The following SKOR2 variants were observed in gnomAD, a reference collection of about 807,000 sequenced individuals.
SKOR2 encodes LBX1 corepressor 1-like protein.
Under a neutral mutation model 69.1 loss-of-function variants are expected in SKOR2, and 47 were observed. That is an observed-to-expected ratio of 0.68 (90% CI 0.54 to 0.87). SKOR2 has a LOEUF of 0.87. SKOR2 is among the 40% of genes least tolerant of loss of function. The pLI is 0.00. For synonymous variants in SKOR2, 717 were observed against 672.6 expected (o/e 1.07, Z -1.02); for missense variants, 1,404 against 1,472.2 (o/e 0.95, Z 0.76).
chr18:47,208,426 T>C (rs1156330430), intron 8 of SKOR2, among the ~76,000 whole-genome samples: 3 of 152,112 alleles, frequency 2.0e-5, no homozygotes, highest in Non-Finnish European at 4.4e-5. Flanking sequence ...GGCCAATGAG[T>C]TTCTGCATGA....
rs529806937 is a variant in SKOR2, at chr18:47,216,226, A to T, written c.2985+3717T>A. Among the ~76,000 whole-genome samples, 170 of 152,328 alleles carry T rather than the reference A, an allele frequency of 1.1e-3. 1 individual carries two copies. The highest frequency in any genetic ancestry group is 3.8e-3 in the African/African-American group (160 of 41,580). On this transcript the variant is annotated intron_variant, in intron 7 of 8. Transcript: ENST00000425639. ...TACATTTTTATAAACATGCTAAATTAAAAAACTTTTGTATTGGTTCATAGG... is the reference window on the plus strand; with the variant it reads ...TACATTTTTATAAACATGCTAAATTTAAAAACTTTTGTATTGGTTCATAGG...
chr18:47,227,629 C>T (rs557005562), intron 6 of SKOR2, among the ~76,000 whole-genome samples: 1 of 152,274 alleles, frequency 6.6e-6, no homozygotes, highest in South Asian at 2.1e-4. Flanking sequence ...CTGTGCCTGG[C>T]CAGAAGCCAA....
chr18:47,246,430 G>A (rs2144514082), intron 2 of SKOR2, 141 bp downstream of exon 2: 9 of 1,103,930 alleles, frequency 8.2e-6, no homozygotes, highest in South Asian at 2.8e-5. Context: ...CAGGAAAGAA[G>A]CCCTCCTAAA....
intron 8 of SKOR2, among the ~76,000 whole-genome samples, chr18:47,208,122 T>C (rs2064118302): frequency 6.6e-6 from 1 of 152,192 alleles, no homozygotes; most frequent in Admixed American, 6.5e-5. Flanking sequence ...TTAAATGATG[T>C]TACTCAAGAT....
At chr18:47,209,118 G>A (rs986368781) in intron 8 of SKOR2, among the ~76,000 whole-genome samples, 2 of 151,766 alleles carry the variant, frequency 1.3e-5, no homozygotes, top group African/African-American at 2.4e-5. Context: ...TTATTTTGAC[G>A]CAACGTGGAA....
At chr18:47,220,082 ATTATTGACAG>A in intron 6 of SKOR2, 72 bp from the exon 7 acceptor site, 1 of 1,333,526 alleles carries the variant, frequency 7.5e-7, no homozygotes, top group Non-Finnish European at 1.0e-6. Context: ...TAGTAAAAAC[ATTATTGACAG>A]TCCCATGGAC....
chr18:47,234,864 G>GGAAAAAAAAA (rs1555658842), intron 4 of SKOR2, among the ~76,000 whole-genome samples: 7 of 109,084 alleles, frequency 6.4e-5, no homozygotes, highest in South Asian at 3.6e-4. Flanking sequence ...CCATCTCAGG[G>GGAAAAAAAAA]AAAAAAAAAA....
intron 8 of SKOR2, among the ~76,000 whole-genome samples, chr18:47,209,995 C>T (rs750180406): frequency 1.4e-4 from 22 of 151,974 alleles, no homozygotes; most frequent in Non-Finnish European, 2.6e-4. Flanking sequence ...GAGGATGGCT[C>T]GAGCCAGGGC....
At chr18:47,228,115 C>T (rs1198742866) in intron 6 of SKOR2, among the ~76,000 whole-genome samples, 1 of 152,182 alleles carries the variant, frequency 6.6e-6, no homozygotes, top group Non-Finnish European at 1.5e-5. Context: ...AAATCTGTCC[C>T]CTAGCCTCAC....
chr18:47,215,476 C>T (rs1469183745), intron 7 of SKOR2, among the ~76,000 whole-genome samples: 1 of 152,126 alleles, frequency 6.6e-6, no homozygotes, highest in Non-Finnish European at 1.5e-5. Context: ...AAAAGACCAT[C>T]TTACTGAAGA....
At chr18:47,240,422 T>C (rs1484845702) in intron 4 of SKOR2, among the ~76,000 whole-genome samples, 1 of 152,228 alleles carries the variant, frequency 6.6e-6, no homozygotes, top group Admixed American at 6.5e-5. Flanking sequence ...GGTAATATTT[T>C]GATGAAACTA....
chr18:47,220,106 C>T, intron 6 of SKOR2, 96 bp from the exon 7 acceptor site: 7 of 979,494 alleles, frequency 7.1e-6, no homozygotes, highest in South Asian at 3.4e-5. Flanking sequence ...CATGGACAGC[C>T]CCCCTACTTT....
At chr18:47,211,671 A>T (rs1568082439) in intron 8 of SKOR2, among the ~76,000 whole-genome samples, 2 of 152,136 alleles carry the variant, frequency 1.3e-5, no homozygotes, top group Non-Finnish European at 2.9e-5. Context: ...TCATATTACC[A>T]CCTGCAGTAA....
In SKOR2 at chr18:47,247,078, G is replaced by GGGC. The variant is rs753158744; in HGVS notation, c.2103_2105dup (p.Pro706dup). On this transcript the variant is annotated inframe_insertion, in exon 2 of 9. Transcript: ENST00000425639. The surrounding 1 kb of genome is among the most constrained non-coding windows in gnomAD (Gnocchi z 6.6). ...GGTGCTGGGCCAGAGGGGGCGGCGG[G>GGGC]GGCGGCGGCGGCGGCGGCGGCGGGG... 7.0e-5 allele frequency: 96 copies of GGGC among 1,369,210 alleles called. No individual in the cohort carries two copies. The highest frequency in any genetic ancestry group is 3.4e-4 in the East Asian group (11 of 32,414). The allele number at this position is 1,369,210 out of a possible 1,614,324, so 84.8% of individuals were successfully genotyped here. A position where few individuals can be genotyped will look rare whatever the true frequency, so the allele number is the denominator to read the frequency against.
intron 7 of SKOR2, among the ~76,000 whole-genome samples, chr18:47,214,561 A>T (rs1014071411): frequency 6.6e-6 from 1 of 152,224 alleles, no homozygotes; most frequent in African/African-American, 2.4e-5. Context: ...GTAAATAAAG[A>T]TTATAGTAGC....
chr18:47,245,372 C>T (rs2064267235), intron 3 of SKOR2, 126 bp downstream of exon 3: 1 of 828,750 alleles, frequency 1.2e-6, no homozygotes, highest in South Asian at 2.6e-5. Context: ...CAAAAAAGAG[C>T]CCACAAATCA....
intron 6 of SKOR2, among the ~76,000 whole-genome samples, chr18:47,223,523 C>T (rs2064168303): frequency 6.6e-6 from 1 of 152,186 alleles, no homozygotes; most frequent in Admixed American, 6.5e-5. Flanking sequence ...ATAGTGGATA[C>T]ATGCAAAGAC....
intron 5 of SKOR2, 95 bp downstream of exon 5, chr18:47,230,840 G>A (rs951452353): frequency 3.2e-6 from 4 of 1,262,278 alleles, no homozygotes; most frequent in African/African-American, 3.0e-5. Context: ...TGCTTGTCAA[G>A]CTAAAAATAT....
At chr18:47,222,659 G>A (rs965499948) in intron 6 of SKOR2, among the ~76,000 whole-genome samples, 1 of 152,206 alleles carries the variant, frequency 6.6e-6, no homozygotes, top group Non-Finnish European at 1.5e-5. Context: ...TTGTGAAGAA[G>A]AAAACTTTCC....
Sources: allele counts gnomAD v4.1 joint callset (sites outside exome capture counted in the v4.1 genomes callset), GRCh38; gene constraint gnomAD v4.1.1; non-coding constraint Gnocchi (gnomAD v3.1); transcripts MANE v1.5; gene names NCBI Gene and HGNC (gene_info 2026-07-23, HGNC 2026-07-21).